Variants in UROS observed in about 807,000 individuals in gnomAD.
The protein encoded by UROS is uroporphyrinogen-III synthase.
In UROS, 18 loss-of-function variants were observed where a neutral mutation model predicts 33.0. The observed-to-expected ratio is 0.55, with a 90% CI of 0.38 to 0.81. The LOEUF is 0.81. Ranked by LOEUF, UROS falls within the 30% of genes least tolerant of loss-of-function variation. The probability of loss-of-function intolerance (pLI) is 0.00; values close to 1 mark genes in which losing one functional copy is unlikely to be tolerated. For missense variants in UROS, 293 were observed against 314.9 expected (o/e 0.93, Z 0.53); for synonymous variants, 114 against 121.1 (o/e 0.94, Z 0.38).
chr10:125,802,810 A>C (rs1010776035), intron 6 of UROS: 2 of 1,462,162 alleles, frequency 1.4e-6, no homozygotes, highest in African/African-American at 2.8e-5. Context: ...CATCTGTGCG[A>C]GGCCCTGTGC....
chr10:125,803,361 G>A (rs1589962881), intron 6 of UROS, among the ~76,000 whole-genome samples: 2 of 152,208 alleles, frequency 1.3e-5, no homozygotes, highest in South Asian at 4.1e-4. Flanking sequence ...GAGCCTCCAG[G>A]ACCCCGTGGA....
At chr10:125,790,992 T>C (rs1239434681) in intron 9 of UROS, among the ~76,000 whole-genome samples, 6 of 151,206 alleles carry the variant, frequency 4.0e-5, no homozygotes, top group African/African-American at 1.5e-4. Context: ...CTCAGGAGGC[T>C]GAGGCAGGAG....
At chr10:125,804,845 A>G (rs10794023) in intron 6 of UROS, among the ~76,000 whole-genome samples, 1 of 152,086 alleles carries the variant, frequency 6.6e-6, no homozygotes, top group Admixed American at 6.5e-5. Flanking sequence ...TTACTGATGT[A>G]TATGTTCCCC....
At chr10:125,807,335 T>C in intron 6 of UROS, 78 bp downstream of exon 6, 2 of 1,267,540 alleles carry the variant, frequency 1.6e-6, no homozygotes, top group Middle Eastern at 1.9e-4. Flanking sequence ...ACTGAGGAAA[T>C]ATTCTTTTCC....
In UROS at chr10:125,789,276, T is replaced by G; in HGVS notation, c.661-271A>C. The G allele has an allele frequency of 3.6e-6, 5 of 1,395,050 alleles. No homozygotes were observed. The South Asian group carries it at 7.5e-5, about 21-fold the overall frequency. The allele number at this position is 1,395,050 out of a possible 1,614,324, so 86.4% of individuals were successfully genotyped here. The stretch of plus-strand genomic sequence containing the variant: ...CAGGGACTTGAAGGCCCCAGGCTGG[T>G]GCTCACCATCACGGCTGTGTCAGTG... On this transcript the variant is annotated intron_variant, in intron 9 of 9. Transcript: ENST00000368797.
chr10:125,821,141 T>C (rs1853841989), intron 1 of UROS, among the ~76,000 whole-genome samples: 1 of 152,224 alleles, frequency 6.6e-6, no homozygotes, highest in Non-Finnish European at 1.5e-5. Flanking sequence ...GCTACATATA[T>C]ACCCCAAAGA....
intron 8 of UROS, 117 bp downstream of exon 8, chr10:125,795,986 A>G: frequency 1.1e-6 from 1 of 886,008 alleles, no homozygotes; most frequent in Admixed American, 1.7e-5. Context: ...CATGCAGGTG[A>G]CAGCTGGGGA....
At chr10:125,815,978 G>A (rs996461822) in intron 3 of UROS, among the ~76,000 whole-genome samples, 199 bp downstream of exon 3, 1 of 152,192 alleles carries the variant, frequency 6.6e-6, no homozygotes, top group African/African-American at 2.4e-5. Flanking sequence ...CTGAGTCTGG[G>A]TGGCTTTCTG....
At chr10:125,811,113 A>C (rs1195766829) in intron 5 of UROS, among the ~76,000 whole-genome samples, 1 of 151,988 alleles carries the variant, frequency 6.6e-6, no homozygotes, top group Non-Finnish European at 1.5e-5. Context: ...CTTTTTTCTC[A>C]TTTTCTTCTC....
chr10:125,816,907 T>C (rs541157745), intron 1 of UROS, among the ~76,000 whole-genome samples: 112 of 152,364 alleles, frequency 7.4e-4, no homozygotes, highest in African/African-American at 2.5e-3. Context: ...AAGATAAATA[T>C]GCTAAGTAGC....
intron 5 of UROS, 76 bp from the exon 6 acceptor site, chr10:125,807,563 G>T: frequency 8.9e-7 from 1 of 1,127,696 alleles, no homozygotes. Context: ...TTTTTAACGT[G>T]CAAATACACA....
chr10:125,801,629 T>C (rs1245132445), intron 6 of UROS, among the ~76,000 whole-genome samples: 1 of 152,260 alleles, frequency 6.6e-6, no homozygotes, highest in Non-Finnish European at 1.5e-5. Context: ...GATTTTTATT[T>C]GGATATTCTA....
At chr10:125,791,190 A>G (rs1275119963) in intron 9 of UROS, among the ~76,000 whole-genome samples, 2 of 152,226 alleles carry the variant, frequency 1.3e-5, no homozygotes, top group Non-Finnish European at 2.9e-5. Context: ...GGATTTGAAT[A>G]GATATCTCTT....
At chr10:125,799,404 T>C (rs1000095543) in intron 6 of UROS, among the ~76,000 whole-genome samples, 2 of 152,196 alleles carry the variant, frequency 1.3e-5, no homozygotes, top group Non-Finnish European at 1.5e-5. Context: ...TGTGTCTATG[T>C]GTGTGTTGGG....
chr10:125,796,316 G>T, intron 7 of UROS, 128 bp from the exon 8 acceptor site: 1 of 937,712 alleles, frequency 1.1e-6, no homozygotes. Flanking sequence ...CTGCTTGGAA[G>T]CTGAGAGGCC....
intron 9 of UROS, chr10:125,789,401 T>G: frequency 8.8e-7 from 1 of 1,132,648 alleles, no homozygotes; most frequent in Non-Finnish European, 1.1e-6. Context: ...GGGCAGTGAC[T>G]GAATCCCCAA....
chr10:125,789,326 T>C, intron 9 of UROS: 1 of 1,284,402 alleles, frequency 7.8e-7, no homozygotes, highest in Non-Finnish European at 1.0e-6. Flanking sequence ...AGGCTCTAGC[T>C]GCAGACAGTT....
At chr10:125,795,106 C>T in intron 8 of UROS, 128 bp from the exon 9 acceptor site, 1 of 813,946 alleles carries the variant, frequency 1.2e-6, no homozygotes, top group Admixed American at 2.0e-5. Flanking sequence ...AGGAGTGGTT[C>T]CCGGCTGATG....
intron 6 of UROS, among the ~76,000 whole-genome samples, chr10:125,800,567 T>TTC (rs1455530441): frequency 3.4e-5 from 5 of 147,256 alleles, no homozygotes; most frequent in Non-Finnish European, 7.5e-5. Flanking sequence ...CTTTCTTTCT[T>TTC]TTTTTTTTTT....
Sources: allele counts gnomAD v4.1 joint callset (sites outside exome capture counted in the v4.1 genomes callset), GRCh38; gene constraint gnomAD v4.1.1; transcripts MANE v1.5; gene names NCBI Gene and HGNC (gene_info 2026-07-23, HGNC 2026-07-21).